CETN3: variants seen among roughly 807,000 people sequenced by gnomAD.
CETN3 encodes the protein centrin 3.
In CETN3, 17 loss-of-function variants were observed where a neutral mutation model predicts 20.1. The observed-to-expected ratio is 0.85, with a 90% CI of 0.58 to 1.27. CETN3 has a LOEUF of 1.27. CETN3 is among the 50% of genes most tolerant of loss of function. The probability of loss-of-function intolerance (pLI) is 0.00; values close to 1 mark genes in which losing one functional copy is unlikely to be tolerated. For synonymous variants in CETN3, 52 were observed against 59.7 expected (o/e 0.87, Z 0.59); for missense variants, 169 against 191.2 (o/e 0.88, Z 0.69).
intron 1 of CETN3, among the ~76,000 whole-genome samples, chr5:90,408,800 C>CAAAAAA (rs74585512): frequency 1.0e-5 from 1 of 96,266 alleles, no homozygotes; most frequent in Non-Finnish European, 2.2e-5. Context: ...CTGAAAGCTC[C>CAAAAAA]AAAAAAAAAA....
Position 90,407,736 on chromosome 5 carries a change from G to C in CETN3, c.116C>G (p.Thr39Arg). ...EIKDAFELFD[T>R]DKDEAIDYHE... ...ATAATCTATTGCTTCATCTTTGTCTGTATCAAATAGTTCAAAAGCATCTTT... is the reference window on the plus strand; with the variant it reads ...ATAATCTATTGCTTCATCTTTGTCTCTATCAAATAGTTCAAAAGCATCTTT... The change falls in exon 2 of 5, where the codon ACA becomes AGA. Residue 39 changes from threonine to arginine, a missense_variant. Transcript: ENST00000283122. 1.9e-6 allele frequency: 3 copies of C among 1,576,206 alleles called. No individual in the cohort carries two copies. Among genetic ancestry groups the C allele is most frequent in the Non-Finnish European group, 2.6e-6 (3 of 1,151,752 alleles).
intron 3 of CETN3, 137 bp from the exon 4 acceptor site, chr5:90,399,686 G>C (rs1749233176): frequency 1.5e-6 from 1 of 666,124 alleles, no homozygotes. Flanking sequence ...TGTCAAATGA[G>C]ATCCCCAAAC....
intron 3 of CETN3, 66 bp downstream of exon 3, chr5:90,405,619 A>T (rs866200324): frequency 3.9e-6 from 4 of 1,033,542 alleles, no homozygotes; most frequent in South Asian, 2.7e-5. Flanking sequence ...TTTAAAATTT[A>T]AAAAGTGATA....
rs1749085746 is a variant in CETN3 at position 90,394,102 on chromosome 5, G to C, written c.466C>G (p.Gln156Glu). ...GTCATAATAGCAATGAACTCCTCTTGGTTTACTGTGGTAAGAAAGAAAATG... is the reference window on the plus strand; with the variant it reads ...GTCATAATAGCAATGAACTCCTCTTCGTTTACTGTGGTAAGAAAGAAAATG... ...FDKDGDGEIN[Q>E]EEFIAIMTGD... is the part of the protein sequence containing the mutation. The change falls in exon 5 of 5, where the codon CAA becomes GAA. Residue 156 changes from glutamine to glutamate, a missense_variant. Transcript: ENST00000283122. The C allele has an allele frequency of 6.5e-7, 1 of 1,541,988 alleles. No homozygotes were observed. The highest frequency in any genetic ancestry group is 8.9e-7 in the Non-Finnish European group (1 of 1,127,190).
intron 4 of CETN3, chr5:90,395,862 T>A (rs893814528): frequency 1.1e-6 from 1 of 893,476 alleles, no homozygotes; most frequent in Non-Finnish European, 1.3e-6. Context: ...AACATGGTCA[T>A]AGGGAATGAA....
At chr5:90,406,040 T>C (rs1749429968) in intron 2 of CETN3, among the ~76,000 whole-genome samples, 1 of 152,182 alleles carries the variant, frequency 6.6e-6, no homozygotes, top group Non-Finnish European at 1.5e-5. Context: ...AACAAGTGTT[T>C]ACAGATTTTA....
chr5:90,401,830 T>C (rs1395654358), intron 3 of CETN3, among the ~76,000 whole-genome samples: 1 of 152,162 alleles, frequency 6.6e-6, no homozygotes, highest in Non-Finnish European at 1.5e-5. Flanking sequence ...CCTATAGTAC[T>C]GAGAATACTG....
intron 2 of CETN3, 33 bp downstream of exon 2, chr5:90,407,666 C>G (rs1227737757): frequency 7.5e-7 from 1 of 1,341,552 alleles, no homozygotes; most frequent in Non-Finnish European, 9.9e-7. Flanking sequence ...ATCATTTTAA[C>G]ACAGAAACAA....
At chr5:90,403,638 G>A (rs1749357681) in intron 3 of CETN3, among the ~76,000 whole-genome samples, 1 of 151,816 alleles carries the variant, frequency 6.6e-6, no homozygotes, top group Non-Finnish European at 1.5e-5. Flanking sequence ...TTGGGAGGCC[G>A]AGGCGGGCGG....
intron 2 of CETN3, among the ~76,000 whole-genome samples, chr5:90,407,133 A>C (rs1042232780): frequency 1.3e-5 from 2 of 151,732 alleles, no homozygotes; most frequent in African/African-American, 2.4e-5. Flanking sequence ...CCTAAACCCA[A>C]ATCTCTCCTT....
At chr5:90,399,702 G>A (rs537587761) in intron 3 of CETN3, among the ~76,000 whole-genome samples, 153 bp from the exon 4 acceptor site, 33 of 152,172 alleles carry the variant, frequency 2.2e-4, no homozygotes, top group African/African-American at 7.7e-4. Flanking sequence ...CAAACCCCGA[G>A]ATAAACCTGA....
chr5:90,392,888 T>G lies in CETN3; in HGVS notation c.*1176A>C, dbSNP rs1309708695. ...GTGTTAAATTTCTAGTGGACAACCC[T>G]TAATGTAATACTCTTAAAAGGCTCA... On this transcript the variant is annotated 3_prime_UTR_variant, in exon 5 of 5. Coordinates refer to ENST00000283122, the MANE Select transcript of CETN3 (RefSeq NM_004365.4). 1 of 152,228 alleles carries G rather than the reference T, an allele frequency of 6.6e-6. No individual in the cohort carries two copies. The highest frequency in any genetic ancestry group is 1.5e-5 in the Non-Finnish European group (1 of 68,036). The allele number at this position is 152,228 out of a possible 1,614,324, so 9.4% of individuals were successfully genotyped here. A position where few individuals can be genotyped will look rare whatever the true frequency, so the allele number is the denominator to read the frequency against.
At position 90,392,392 on chromosome 5, in the gene CETN3, G is replaced by A. The variant is rs1426198600; in HGVS notation, c.*1672C>T. Reference sequence around the variant, plus strand: ...CTGTTGCCCTGAATATAATGACTGTGACCATTGAATTTGTATTCAAAATTA... The same window carrying A: ...CTGTTGCCCTGAATATAATGACTGTAACCATTGAATTTGTATTCAAAATTA... On this transcript the variant is annotated 3_prime_UTR_variant, in exon 5 of 5. Transcript: ENST00000283122. The A allele has an allele frequency of 6.6e-6, 1 of 152,082 alleles. No individual in the cohort carries two copies. The highest frequency in any genetic ancestry group is 2.4e-5 in the African/African-American group (1 of 41,412). 9.4% of individuals were successfully genotyped at this position (152,082 alleles called of 1,614,324 possible). A position where few individuals can be genotyped will look rare whatever the true frequency, so the allele number is the denominator to read the frequency against.
At chr5:90,405,647 T>A in intron 3 of CETN3, 38 bp downstream of exon 3, 1 of 1,307,758 alleles carries the variant, frequency 7.6e-7, no homozygotes, top group Non-Finnish European at 1.1e-6. Flanking sequence ...GACAATTTCC[T>A]AACAGCTGCT....
chr5:90,395,790 T>G, intron 4 of CETN3: 1 of 763,540 alleles, frequency 1.3e-6, no homozygotes, highest in African/African-American at 1.9e-5. Context: ...TTTTTCTGTT[T>G]GAGAATATTC....
At chr5:90,401,000 A>C (rs1393109375) in intron 3 of CETN3, among the ~76,000 whole-genome samples, 1 of 152,204 alleles carries the variant, frequency 6.6e-6, no homozygotes, top group Non-Finnish European at 1.5e-5. Context: ...AAAAAGTGTT[A>C]AGAAATTTTC....
chr5:90,408,826 G>C (rs1226750816), intron 1 of CETN3, among the ~76,000 whole-genome samples: 1 of 147,610 alleles, frequency 6.8e-6, no homozygotes. Flanking sequence ...AAGCTAGGAA[G>C]TGACTAGTAG....
At chr5:90,406,709 G>A (rs1749453062) in intron 2 of CETN3, among the ~76,000 whole-genome samples, 1 of 151,504 alleles carries the variant, frequency 6.6e-6, no homozygotes, top group South Asian at 2.1e-4. Flanking sequence ...TCTAAATTCA[G>A]TGGTAGTGTA....
chr5:90,409,530 G>T, intron 1 of CETN3, 115 bp downstream of exon 1: 1 of 1,285,368 alleles, frequency 7.8e-7, no homozygotes. Context: ...CCTTTCCCGC[G>T]TCCCAAACTA....
Sources: gnomAD v4.1 joint callset for allele counts (sites outside exome capture counted in the v4.1 genomes callset) on GRCh38, gnomAD v4.1.1 for gene constraint, MANE v1.5 for transcripts, NCBI Gene and HGNC (gene_info 2026-07-23, HGNC 2026-07-21) for gene names.